The following SSH2 variants were observed in gnomAD, a reference collection of about 807,000 sequenced individuals.
SSH2 encodes the protein protein phosphatase Slingshot homolog 2.
In SSH2, 37 loss-of-function variants were observed where a neutral mutation model predicts 135.2. The observed-to-expected ratio is 0.27, with a 90% CI of 0.21 to 0.36. The LOEUF (loss-of-function observed/expected upper bound fraction) is 0.36, where lower values mean the gene tolerates loss of function less well. SSH2 is among the 10% of genes least tolerant of loss of function. The pLI is 1.00. For missense variants in SSH2, 1,408 were observed against 1,765.3 expected, an observed-to-expected ratio of 0.80 and a Z score of 3.63; for synonymous variants, 628 against 646.2, an observed-to-expected ratio of 0.97 and a Z score of 0.43.
chr17:29,810,145 C>G (rs555887978), intron 2 of SSH2, among the ~76,000 whole-genome samples: 1 of 152,314 alleles, frequency 6.6e-6, no homozygotes, highest in South Asian at 2.1e-4. Context: ...AGGACAGATT[C>G]TCCAACCAAG....
At chr17:29,739,124 T>C (rs886946226) in intron 3 of SSH2, among the ~76,000 whole-genome samples, 3 of 152,190 alleles carry the variant, frequency 2.0e-5, no homozygotes, top group Non-Finnish European at 4.4e-5. Context: ...TTACTGCAGG[T>C]TCTCCAACTT....
At chr17:29,821,085 C>G (rs1220929817) in intron 2 of SSH2, among the ~76,000 whole-genome samples, 1 of 152,110 alleles carries the variant, frequency 6.6e-6, no homozygotes, top group African/African-American at 2.4e-5. Context: ...GTTTTGACCC[C>G]CTTTCATCAA....
intron 3 of SSH2, among the ~76,000 whole-genome samples, chr17:29,745,366 G>A (rs939733387): frequency 6.6e-6 from 1 of 151,866 alleles, no homozygotes; most frequent in Admixed American, 6.6e-5. Flanking sequence ...CACCATGTTG[G>A]CCAGGCTGGT....
chr17:29,892,498 G>A (rs1220151061), intron 1 of SSH2, among the ~76,000 whole-genome samples: 1 of 152,096 alleles, frequency 6.6e-6, no homozygotes, highest in Non-Finnish European at 1.5e-5. Context: ...AATGTCAACA[G>A]CCACCACTGT....
rs1355304876 is a variant in SSH2, at chr17:29,794,330, CA to C, written c.145-394del. Among the ~76,000 whole-genome samples, 3 of 152,136 alleles carry C rather than the reference CA, an allele frequency of 2.0e-5. No homozygotes were observed. The East Asian group carries it at 5.8e-4, about 29-fold the overall frequency. On this transcript the variant is annotated intron_variant, in intron 2 of 15. Transcript: ENST00000540801. ...ATTAATGATTCTGACCCCCAAAGAA[CA>C]ACCTAAACAATGAACACCACTTAAA... is the stretch of plus-strand genomic sequence containing the variant.
At chr17:29,908,310 G>A (rs1398037287) in intron 1 of SSH2, among the ~76,000 whole-genome samples, 1 of 151,780 alleles carries the variant, frequency 6.6e-6, no homozygotes, top group African/African-American at 2.4e-5. Flanking sequence ...AAATAAATTA[G>A]TCAGGTATGG....
chr17:29,745,142 A>G (rs1044881332), intron 3 of SSH2, among the ~76,000 whole-genome samples: 2 of 151,954 alleles, frequency 1.3e-5, no homozygotes, highest in African/African-American at 4.8e-5. Flanking sequence ...AGTATGCTCA[A>G]AGTAATTTTC....
At chr17:29,861,954 T>C (rs1472477218) in intron 1 of SSH2, among the ~76,000 whole-genome samples, 1 of 152,104 alleles carries the variant, frequency 6.6e-6, no homozygotes, top group African/African-American at 2.4e-5. Flanking sequence ...TTAAGTACAA[T>C]GGGAAATACA....
chr17:29,814,177 T>C (rs1946329514), intron 2 of SSH2, among the ~76,000 whole-genome samples: 1 of 141,680 alleles, frequency 7.1e-6, no homozygotes, highest in African/African-American at 2.7e-5. Flanking sequence ...GGCTCATGCC[T>C]GTAATTCCAG....
At chr17:29,641,937 C>CT (rs34380761) in intron 14 of SSH2, among the ~76,000 whole-genome samples, 50 of 139,500 alleles carry the variant, frequency 3.6e-4, no homozygotes, top group Non-Finnish European at 4.8e-4. Flanking sequence ...TAGACATTGT[C>CT]TTTTTTTTTT....
intron 3 of SSH2, among the ~76,000 whole-genome samples, chr17:29,757,471 T>G (rs927227047): frequency 2.6e-5 from 4 of 152,002 alleles, no homozygotes; most frequent in Non-Finnish European, 4.4e-5. Flanking sequence ...CTCAGAATGA[T>G]TCCTAATAAT....
At chr17:29,638,129 T>C (rs975917936) in intron 14 of SSH2, among the ~76,000 whole-genome samples, 2 of 150,750 alleles carry the variant, frequency 1.3e-5, no homozygotes, top group Non-Finnish European at 3.0e-5. Flanking sequence ...AACAAACAAA[T>C]AAACAAAAAA....
At chr17:29,862,625 C>A (rs1271192514) in intron 1 of SSH2, among the ~76,000 whole-genome samples, 2 of 152,174 alleles carry the variant, frequency 1.3e-5, no homozygotes, top group African/African-American at 4.8e-5. Flanking sequence ...AAAAGAGCAT[C>A]TTCATTTCTC....
At chr17:29,758,005 C>G (rs2041184853) in intron 3 of SSH2, among the ~76,000 whole-genome samples, 1 of 151,960 alleles carries the variant, frequency 6.6e-6, no homozygotes, top group Non-Finnish European at 1.5e-5. Flanking sequence ...TGTCTTCAAG[C>G]CATTTCACTC....
intron 1 of SSH2, among the ~76,000 whole-genome samples, chr17:29,912,046 C>G (rs894349249): frequency 2.6e-5 from 4 of 152,150 alleles, no homozygotes; most frequent in Non-Finnish European, 5.9e-5. Flanking sequence ...TAACCTAGTT[C>G]TGGTAGGAGA....
At chr17:29,861,800 GC>G (rs34704800) in intron 1 of SSH2, among the ~76,000 whole-genome samples, 1 of 152,066 alleles carries the variant, frequency 6.6e-6, no homozygotes, top group African/African-American at 2.4e-5. Context: ...CTCATGATCC[GC>G]CCACCTGGGC....
intron 3 of SSH2, 26 bp from the exon 4 acceptor site, chr17:29,703,088 T>C (rs749579379): frequency 6.6e-7 from 1 of 1,508,862 alleles, no homozygotes; most frequent in Non-Finnish European, 9.2e-7. Context: ...CAAAAGAAAA[T>C]AAATTACTTA....
chr17:29,799,941 A>T (rs1184195800), intron 2 of SSH2, among the ~76,000 whole-genome samples: 1 of 152,164 alleles, frequency 6.6e-6, no homozygotes, highest in East Asian at 1.9e-4. Context: ...GATACTTATA[A>T]CCCAAGATGG....
chr17:29,650,323 A>T (rs1158216798), intron 13 of SSH2, among the ~76,000 whole-genome samples: 2 of 152,196 alleles, frequency 1.3e-5, no homozygotes, highest in Non-Finnish European at 2.9e-5. Context: ...CTATGATATA[A>T]CTTTTAAAAC....
Sources: allele counts gnomAD v4.1 joint callset (sites outside exome capture counted in the v4.1 genomes callset), GRCh38; gene constraint gnomAD v4.1.1; transcripts MANE v1.5; gene names NCBI Gene and HGNC (gene_info 2026-07-23, HGNC 2026-07-21).